The following SHCBP1L variants were observed in gnomAD, a reference collection of about 807,000 sequenced individuals.
SHCBP1L encodes testicular spindle-associated protein SHCBP1L.
In SHCBP1L, 67 loss-of-function variants were observed where a neutral mutation model predicts 62.5. The observed-to-expected ratio is 1.07, with a 90% CI of 0.88 to 1.31. SHCBP1L has a LOEUF of 1.31. Among genes scored for constraint, SHCBP1L ranks in the 40% most tolerant of loss-of-function variants. SHCBP1L has a pLI of 0.00. For missense variants in SHCBP1L, 823 were observed against 809.8 expected (o/e 1.02, Z -0.20); for synonymous variants, 284 against 289.4 (o/e 0.98, Z 0.19).
intron 3 of SHCBP1L, among the ~76,000 whole-genome samples, chr1:182,940,122 A>G (rs971182826): frequency 1.3e-5 from 2 of 152,180 alleles, no homozygotes; most frequent in Non-Finnish European, 1.5e-5. Context: ...CAAACTTTTC[A>G]TTACCCATAT....
Position 182,927,954 on chromosome 1 carries a change from A to G in SHCBP1L, c.1182+1693T>C, listed in dbSNP as rs549903404. Among the ~76,000 whole-genome samples, 5 of 152,310 alleles carry G rather than the reference A, an allele frequency of 3.3e-5. No individual in the cohort carries two copies. The East Asian group carries it at 9.6e-4, about 29-fold the overall frequency. The stretch of plus-strand genomic sequence containing the variant: ...GGACCTATTTAAAAGTGAAAAGGAG[A>G]AGTAAAAATAAAAATGACAAAATAA... On this transcript the variant is annotated intron_variant, in intron 6 of 9. Transcript: ENST00000367547.
intron 6 of SHCBP1L, among the ~76,000 whole-genome samples, chr1:182,923,919 C>T (rs962798026): frequency 2.1e-4 from 32 of 152,120 alleles, no homozygotes; most frequent in African/African-American, 7.5e-4. Flanking sequence ...TAAAAGGCAT[C>T]CAAATAGGAA....
chr1:182,902,034 T>C (rs1649855559), intron 9 of SHCBP1L, among the ~76,000 whole-genome samples: 1 of 151,858 alleles, frequency 6.6e-6, no homozygotes, highest in Non-Finnish European at 1.5e-5. Context: ...ATTTGTACCT[T>C]CTTTTCTTTT....
intron 6 of SHCBP1L, among the ~76,000 whole-genome samples, chr1:182,927,715 A>G (rs1005234909): frequency 6.6e-6 from 1 of 151,680 alleles, no homozygotes; most frequent in African/African-American, 2.4e-5. Context: ...CTATACTACT[A>G]TCAAGCTATA....
intron 6 of SHCBP1L, among the ~76,000 whole-genome samples, chr1:182,913,277 G>C (rs1386946840): frequency 1.3e-5 from 2 of 152,176 alleles, no homozygotes; most frequent in East Asian, 1.9e-4. Context: ...AGTTCTGGAG[G>C]CCTAGACTTG....
intron 6 of SHCBP1L, among the ~76,000 whole-genome samples, chr1:182,917,387 G>T (rs1037808482): frequency 2.0e-5 from 3 of 152,168 alleles, no homozygotes; most frequent in Non-Finnish European, 2.9e-5. Context: ...CTCAATTGAT[G>T]CAGAAAAAGC....
chr1:182,924,975 A>AAAGAAAGAAAGAAAG (rs1491508466), intron 6 of SHCBP1L, among the ~76,000 whole-genome samples: 34 of 128,504 alleles, frequency 2.6e-4, no homozygotes, highest in African/African-American at 7.9e-4. Context: ...AGAAAGAAAG[A>AAAGAAAGAAAGAAAG]AAAAAAAAGG....
At chr1:182,935,583 T>G (rs541643170) in intron 5 of SHCBP1L, among the ~76,000 whole-genome samples, 6 of 152,322 alleles carry the variant, frequency 3.9e-5, no homozygotes, top group African/African-American at 7.2e-5. Flanking sequence ...ACATAGACAA[T>G]TATGTCATCT....
chr1:182,912,343 C>T (rs1650215178), intron 6 of SHCBP1L, among the ~76,000 whole-genome samples: 1 of 152,154 alleles, frequency 6.6e-6, no homozygotes, highest in South Asian at 2.1e-4. Context: ...AATTTGAGGC[C>T]AATCATGTTT....
At chr1:182,906,392 A>G (rs1650013384) in intron 6 of SHCBP1L, among the ~76,000 whole-genome samples, 1 of 151,392 alleles carries the variant, frequency 6.6e-6, no homozygotes, top group Admixed American at 6.6e-5. Flanking sequence ...GTTTTCTTTA[A>G]CTCAAAATGA....
Position 182,908,809 on chromosome 1 carries a change from C to T in SHCBP1L, c.1183-3160G>A, listed in dbSNP as rs181626486. On this transcript the variant is annotated intron_variant, in intron 6 of 9. Coordinates refer to ENST00000367547, the MANE Select transcript of SHCBP1L (RefSeq NM_030933.4). ...TGGATATACTTTGCCAAATTCCTCTCCAGAAAAGCTTAATCAATTAAAACT... is the reference window on the plus strand; with the variant it reads ...TGGATATACTTTGCCAAATTCCTCTTCAGAAAAGCTTAATCAATTAAAACT... Among the ~76,000 whole-genome samples the T allele has an allele frequency of 1.8e-3, 272 of 152,224 alleles. 1 individual carries two copies. The highest frequency in any genetic ancestry group is 6.3e-3 in the African/African-American group (263 of 41,550).
intron 9 of SHCBP1L, among the ~76,000 whole-genome samples, chr1:182,902,051 C>CTTTTTTTTTTTTTTTT: frequency 7.0e-6 from 1 of 142,256 alleles, no homozygotes; most frequent in Non-Finnish European, 1.5e-5. Context: ...TTTTTTCTTT[C>CTTTTTTTTTTTTTTTT]TTTTTTTTTC....
chr1:182,918,559 A>G (rs923776686), intron 6 of SHCBP1L, among the ~76,000 whole-genome samples: 3 of 152,200 alleles, frequency 2.0e-5, no homozygotes, highest in Non-Finnish European at 4.4e-5. Flanking sequence ...AGATTTTAAT[A>G]TTGCTAAAAT....
At chr1:182,924,061 A>G (rs1650598897) in intron 6 of SHCBP1L, among the ~76,000 whole-genome samples, 1 of 152,222 alleles carries the variant, frequency 6.6e-6, no homozygotes, top group Non-Finnish European at 1.5e-5. Context: ...ATCAATGTAC[A>G]AAAATCCATA....
At chr1:182,928,180 C>T (rs1650845706) in intron 6 of SHCBP1L, among the ~76,000 whole-genome samples, 1 of 145,100 alleles carries the variant, frequency 6.9e-6, no homozygotes, top group Admixed American at 6.8e-5. Flanking sequence ...TATCTTTCAT[C>T]ACTCTCTTAG....
intron 6 of SHCBP1L, among the ~76,000 whole-genome samples, chr1:182,926,605 A>G (rs1184000799): frequency 1.3e-5 from 2 of 152,140 alleles, no homozygotes; most frequent in African/African-American, 4.8e-5. Flanking sequence ...AAGAAGCAAA[A>G]CTGTGAATCA....
intron 8 of SHCBP1L, 116 bp from the exon 9 acceptor site, chr1:182,903,277 G>T: frequency 1.3e-6 from 1 of 787,562 alleles, no homozygotes; most frequent in Non-Finnish European, 1.8e-6. Flanking sequence ...TGAGTTACGT[G>T]CAAATACGTG....
At chr1:182,930,256 C>T (rs942383265) in intron 5 of SHCBP1L, among the ~76,000 whole-genome samples, 1 of 152,050 alleles carries the variant, frequency 6.6e-6, no homozygotes, top group Non-Finnish European at 1.5e-5. Flanking sequence ...TCCAGCTTCT[C>T]TCTTAGTTGT....
At position 182,905,471 on chromosome 1, in the gene SHCBP1L, AAACTAC is replaced by A. The variant is rs765147723; in HGVS notation, c.1336+19_1336+24del. On this transcript the variant is annotated intron_variant, in intron 7 of 9. Transcript: ENST00000367547. ...TGTCCAGTATACATTGCTGTAAAAA[AAACTAC>A]AAAGGATGCCCTGCTAACCCTTTAT... is the stretch of plus-strand genomic sequence containing the variant. The A allele has an allele frequency of 6.2e-7, 1 of 1,610,158 alleles. No individual in the cohort carries two copies. The highest frequency in any genetic ancestry group is 1.1e-5 in the South Asian group (1 of 90,068).
Sources: gnomAD v4.1 joint callset for allele counts (sites outside exome capture counted in the v4.1 genomes callset) on GRCh38, gnomAD v4.1.1 for gene constraint, MANE v1.5 for transcripts, NCBI Gene and HGNC (gene_info 2026-07-23, HGNC 2026-07-21) for gene names.